Variants in KMT2C observed in about 807,000 individuals in gnomAD.
KMT2C encodes histone-lysine N-methyltransferase 2C.
KMT2C carries 88 observed loss-of-function variants against 507.9 expected under a neutral mutation model. That is an observed-to-expected ratio of 0.17 (90% CI 0.15 to 0.21). The LOEUF is 0.21. KMT2C is among the 10% of genes least tolerant of loss of function. KMT2C has a pLI of 1.00. For synonymous variants in KMT2C, 2,049 were observed against 2,080.8 expected (o/e 0.98, Z 0.42); for missense variants, 4,954 against 5,957.8 (o/e 0.83, Z 5.55).
At position 152,177,666 on chromosome 7, in the gene KMT2C, C is replaced by T. The variant is rs149388680; in HGVS notation, c.7787G>A (p.Arg2596Gln). Residue 2596 changes from arginine to glutamine, a missense_variant, in exon 38 of 59, where the codon CGG (arginine) becomes CAG (glutamine). Physicochemically the swap from Arg to Gln is conservative, Grantham distance 43. Coordinates refer to ENST00000262189, the MANE Select transcript of KMT2C (RefSeq NM_170606.3). ...SNLRHGNFIP[R>Q]PDFPGPRHTD... is the part of the protein sequence containing the mutation. ...GTGTCTAGGGCCCGGAAAGTCTGGC[C>T]GGGGAATGAAGTTTCCATGTCTCAG... is the stretch of plus-strand genomic sequence containing the variant. 445 of 1,613,906 alleles carry T rather than the reference C, an allele frequency of 2.8e-4. No homozygotes were observed. The highest frequency in any genetic ancestry group is 3.4e-4 in the Non-Finnish European group (399 of 1,180,016).
At chr7:152,313,379 C>G (rs1363264245) in intron 4 of KMT2C, among the ~76,000 whole-genome samples, 1 of 152,026 alleles carries the variant, frequency 6.6e-6, no homozygotes, top group Non-Finnish European at 1.5e-5. Context: ...TCCTAACCAG[C>G]AGCTTAATCA....
chr7:152,161,105 G>A (rs764447235), intron 43 of KMT2C, among the ~76,000 whole-genome samples: 2 of 152,184 alleles, frequency 1.3e-5, no homozygotes, highest in Admixed American at 6.5e-5. Flanking sequence ...AAGATGTCTT[G>A]GAGAAAGTGG....
At chr7:152,143,433 A>T (rs1239301271) in intron 55 of KMT2C, among the ~76,000 whole-genome samples, 1 of 152,256 alleles carries the variant, frequency 6.6e-6, no homozygotes, top group African/African-American at 2.4e-5. Flanking sequence ...TCTGACATGC[A>T]TGAGAATCAT....
Position 152,162,930 on chromosome 7 carries a change from C to T in KMT2C, c.10647G>A (p.Val3549=), listed in dbSNP as rs999722199. The change falls in exon 43 of 59, where the codon GTG becomes GTA. Residue 3549 remains valine (V), a synonymous_variant. Transcript: ENST00000262189. ...LSGTSFQQSP[V]RPSFTPALPA... Reference sequence around the variant, plus strand: ...GTAAAGCAGGTGTAAAAGAAGGCCTCACTGGGGACTGCTGGAAGCTGGTCC... The same window carrying T: ...GTAAAGCAGGTGTAAAAGAAGGCCTTACTGGGGACTGCTGGAAGCTGGTCC... 6.8e-6 allele frequency: 11 copies of T among 1,614,166 alleles called. No individual in the cohort carries two copies. Among genetic ancestry groups the T allele is most frequent in the Non-Finnish European group, 2.5e-6 (3 of 1,180,038 alleles).
chr7:152,246,862 A>G (rs1312342858), intron 14 of KMT2C, among the ~76,000 whole-genome samples: 5 of 152,154 alleles, frequency 3.3e-5, no homozygotes, highest in Non-Finnish European at 2.9e-5. Context: ...CCCATCTGAC[A>G]ACTACTTTCC....
chr7:152,259,600 A>G (rs2095733713), intron 9 of KMT2C, among the ~76,000 whole-genome samples: 1 of 152,302 alleles, frequency 6.6e-6, no homozygotes, highest in East Asian at 1.9e-4. Flanking sequence ...TTAGAGTTTG[A>G]ACTTATTTTC....
intron 22 of KMT2C, among the ~76,000 whole-genome samples, chr7:152,221,149 C>T (rs1438693073): frequency 4.6e-5 from 7 of 152,174 alleles, no homozygotes; most frequent in African/African-American, 1.2e-4. Context: ...CCCAGCTATG[C>T]GGGAGGCTGA....
chr7:152,153,449 TTA>T (rs2129098185), intron 48 of KMT2C, among the ~76,000 whole-genome samples: 1 of 152,342 alleles, frequency 6.6e-6, no homozygotes, highest in African/African-American at 2.4e-5. Flanking sequence ...AGGAAATTAC[TTA>T]TGTTTGATAT....
At chr7:152,330,088 G>C (rs1469587222) in intron 3 of KMT2C, among the ~76,000 whole-genome samples, 1 of 138,968 alleles carries the variant, frequency 7.2e-6, no homozygotes, top group South Asian at 2.4e-4. Flanking sequence ...AGGTTGCAGT[G>C]AGCTGAGATG....
chr7:152,169,062 A>G (rs1376707570), intron 41 of KMT2C, 124 bp downstream of exon 41: 1 of 596,858 alleles, frequency 1.7e-6, no homozygotes, highest in East Asian at 2.7e-5. Context: ...GTGATGTTTA[A>G]TAAGACAGGA....
At chr7:152,222,449 C>T (rs2094805028) in intron 21 of KMT2C, 124 bp downstream of exon 21, 1 of 549,998 alleles carries the variant, frequency 1.8e-6, no homozygotes, top group Admixed American at 3.6e-5. Flanking sequence ...TCATAAAATA[C>T]TTGTCAAAGT....
At chr7:152,397,425 A>G (rs141232906) in intron 1 of KMT2C, among the ~76,000 whole-genome samples, 2 of 152,188 alleles carry the variant, frequency 1.3e-5, no homozygotes, top group African/African-American at 4.8e-5. Context: ...GCCCTGGTTT[A>G]TAACCTTCTA....
chr7:152,163,483 G>A lies in KMT2C; in HGVS notation c.10094C>T (p.Pro3365Leu), dbSNP rs1252030841. Residue 3365 changes from proline to leucine, a missense_variant, in exon 43 of 59, where the codon CCA becomes CTA. By Grantham distance (98) the Pro-to-Leu change is moderately conservative. Coordinates refer to ENST00000262189, the MANE Select transcript of KMT2C (RefSeq NM_170606.3). ...TGCATTTGAGACTGTCCCTGGGGCT[G>A]GTGTACAAGTTTTTATTGGTAACTG... Reference protein sequence around the residue: ...IAQLPIKTCTPAPGTVSNANP... With the variant: ...IAQLPIKTCTLAPGTVSNANP... 3.1e-6 allele frequency: 5 copies of A among 1,613,988 alleles called. No individual in the cohort carries two copies. The highest frequency in any genetic ancestry group is 1.3e-5 in the African/African-American group (1 of 74,920).
chr7:152,324,441 G>A (rs983334724), intron 3 of KMT2C, among the ~76,000 whole-genome samples: 4 of 151,590 alleles, frequency 2.6e-5, no homozygotes, highest in Non-Finnish European at 5.9e-5. Flanking sequence ...TGTACAATTA[G>A]GATTTGCCAA....
chr7:152,249,673 C>CAAAAAAAAAAAA lies in KMT2C; in HGVS notation c.1813+191_1813+202dup, dbSNP rs1183345172. On this transcript the variant is annotated intron_variant, in intron 13 of 58. Transcript: ENST00000262189. ...ATTTTTAATCATGACCTCCCCCCTC[C>CAAAAAAAAAAAA]AAAAAAAAAAAAAAAAAAAAAAAAA... Among the ~76,000 whole-genome samples the CAAAAAAAAAAAA allele has an allele frequency of 7.9e-3, 271 of 34,488 alleles. 9 individuals are homozygous for CAAAAAAAAAAAA. The highest frequency in any genetic ancestry group is 0.011 in the African/African-American group (170 of 15,004). The allele number at this position is 34,488 out of a possible 152,430, so 22.6% of individuals were successfully genotyped here.
At chr7:152,246,294 C>T (rs2095471902) in intron 14 of KMT2C, among the ~76,000 whole-genome samples, 1 of 152,040 alleles carries the variant, frequency 6.6e-6, no homozygotes, top group Admixed American at 6.6e-5. Flanking sequence ...CTACAAAATA[C>T]TTACAAGAGT....
At chr7:152,211,675 T>G (rs1255191937) in intron 23 of KMT2C, among the ~76,000 whole-genome samples, 1 of 152,176 alleles carries the variant, frequency 6.6e-6, no homozygotes, top group Non-Finnish European at 1.5e-5. Flanking sequence ...CTCACACAGG[T>G]GGTATCACTG....
intron 20 of KMT2C, among the ~76,000 whole-genome samples, chr7:152,223,762 T>A (rs1046889072): frequency 6.6e-6 from 1 of 152,072 alleles, no homozygotes; most frequent in African/African-American, 2.4e-5. Context: ...ATAGCGCCAC[T>A]GCACTCCAGC....
chr7:152,158,512 TTTTTTTTTTG>T (rs1200061356), intron 44 of KMT2C, among the ~76,000 whole-genome samples: 1 of 134,318 alleles, frequency 7.4e-6, no homozygotes, highest in Middle Eastern at 3.3e-3. Context: ...GAATTGTTTG[TTTTTTTTTTG>T]TTTTTTTTTT....
Sources: gnomAD v4.1 joint callset for allele counts (sites outside exome capture counted in the v4.1 genomes callset) on GRCh38, gnomAD v4.1.1 for gene constraint, MANE v1.5 for transcripts, NCBI Gene and HGNC (gene_info 2026-07-23, HGNC 2026-07-21) for gene names.